Variants in MGAT4C observed in about 807,000 individuals in gnomAD.
MGAT4C encodes the protein alpha-1,3-mannosyl-glycoprotein 4-beta-N-acetylglucosaminyltransferase C.
A neutral mutation model predicts 40.1 loss-of-function variants in MGAT4C; 19 were observed. The observed-to-expected ratio is 0.47, with a 90% CI of 0.33 to 0.70. The LOEUF (loss-of-function observed/expected upper bound fraction) is 0.70, where lower values mean the gene tolerates loss of function less well. Ranked by LOEUF, MGAT4C falls within the 30% of genes least tolerant of loss-of-function variation. The probability of loss-of-function intolerance (pLI) is 0.02; values close to 1 mark genes in which losing one functional copy is unlikely to be tolerated. For missense variants in MGAT4C, 491 were observed against 563.2 expected, an observed-to-expected ratio of 0.87 and a Z score of 1.30; for synonymous variants, 181 against 187.1, an observed-to-expected ratio of 0.97 and a Z score of 0.27.
intron 2 of MGAT4C, among the ~76,000 whole-genome samples, chr12:86,003,222 T>C (rs1022487585): frequency 4.6e-5 from 7 of 152,342 alleles, no homozygotes; most frequent in African/African-American, 1.7e-4. Flanking sequence ...AATGGACGTA[T>C]ATTTGGCAAT....
At chr12:86,162,021 A>G (rs1459785936) in intron 1 of MGAT4C, among the ~76,000 whole-genome samples, 3 of 152,180 alleles carry the variant, frequency 2.0e-5, no homozygotes, top group African/African-American at 7.2e-5. Context: ...GCTGCAGAGT[A>G]AAGGGAATAC....
intron 3 of MGAT4C, among the ~76,000 whole-genome samples, chr12:86,386,782 A>T (rs866857182): frequency 7.2e-5 from 11 of 152,214 alleles, no homozygotes; most frequent in South Asian, 2.1e-4. Flanking sequence ...GTGGAATATT[A>T]CTGAAAGTTG....
intron 2 of MGAT4C, among the ~76,000 whole-genome samples, chr12:86,492,879 A>C (rs1246400553): frequency 1.3e-5 from 2 of 152,202 alleles, no homozygotes; most frequent in African/African-American, 2.4e-5. Context: ...AATGGGAGAA[A>C]ATTTTGCAAC....
chr12:86,059,665 T>C (rs1045837128), intron 1 of MGAT4C, among the ~76,000 whole-genome samples: 1 of 152,184 alleles, frequency 6.6e-6, no homozygotes, highest in Admixed American at 6.6e-5. Context: ...AGAGGCTACA[T>C]AGGTTGTAGT....
At chr12:86,392,524 T>C (rs929109150) in intron 3 of MGAT4C, among the ~76,000 whole-genome samples, 15 of 151,944 alleles carry the variant, frequency 9.9e-5, no homozygotes, top group African/African-American at 3.6e-4. Context: ...GTACTGTCAA[T>C]GAGTAATAAG....
At chr12:86,793,596 A>G (rs1016534804) in intron 1 of MGAT4C, among the ~76,000 whole-genome samples, 4 of 152,034 alleles carry the variant, frequency 2.6e-5, no homozygotes, top group Non-Finnish European at 4.4e-5. Context: ...ATATACTCTC[A>G]CGCTCATTTG....
At chr12:86,609,762 T>C (rs1439539120) in intron 2 of MGAT4C, among the ~76,000 whole-genome samples, 3 of 149,506 alleles carry the variant, frequency 2.0e-5, no homozygotes, top group African/African-American at 7.4e-5. Context: ...TGTACAGTTT[T>C]ACCTCCTATG....
intron 1 of MGAT4C, among the ~76,000 whole-genome samples, chr12:86,774,317 T>TTCTTTCTTTCTTTCTTTCTCTTTCTTTC (rs1555227761): frequency 1.5e-5 from 1 of 66,414 alleles, no homozygotes; most frequent in Non-Finnish European, 3.4e-5. Context: ...CTTTCTTTCT[T>TTCTTTCTTTCTTTCTTTCTCTTTCTTTC]TCTTTCTTTC....
chr12:86,400,259 C>T (rs1249143756), intron 3 of MGAT4C, among the ~76,000 whole-genome samples: 1 of 152,222 alleles, frequency 6.6e-6, no homozygotes, highest in East Asian at 1.9e-4. Flanking sequence ...GGGTATTATT[C>T]ACACTATTAC....
chr12:86,178,951 C>A (rs768687852), intron 1 of MGAT4C, among the ~76,000 whole-genome samples: 1 of 152,122 alleles, frequency 6.6e-6, no homozygotes, highest in Non-Finnish European at 1.5e-5. Context: ...TTAGATTCAA[C>A]CTATTTGCCT....
At chr12:86,835,687 T>C (rs1383497547) in intron 1 of MGAT4C, among the ~76,000 whole-genome samples, 1 of 152,042 alleles carries the variant, frequency 6.6e-6, no homozygotes, top group Non-Finnish European at 1.5e-5. Context: ...CCGTATAGAA[T>C]ATGCCAAGTG....
intron 1 of MGAT4C, among the ~76,000 whole-genome samples, chr12:86,083,311 T>C (rs1871186074): frequency 6.6e-6 from 1 of 152,098 alleles, no homozygotes; most frequent in Non-Finnish European, 1.5e-5. Flanking sequence ...GGACTCAACC[T>C]TCTCTCATTG....
intron 1 of MGAT4C, among the ~76,000 whole-genome samples, chr12:86,776,710 G>A (rs556398439): frequency 7.9e-5 from 12 of 151,834 alleles, no homozygotes; most frequent in African/African-American, 2.9e-4. Context: ...ATAATGTTTT[G>A]CAAAATTATT....
At chr12:86,617,216 A>G (rs1465240308) in intron 2 of MGAT4C, among the ~76,000 whole-genome samples, 1 of 152,186 alleles carries the variant, frequency 6.6e-6, no homozygotes, top group Non-Finnish European at 1.5e-5. Flanking sequence ...TTAGTTTTGT[A>G]ATAGTTTCAC....
intron 4 of MGAT4C, among the ~76,000 whole-genome samples, chr12:86,289,100 G>C (rs1953434195): frequency 6.6e-6 from 1 of 152,076 alleles, no homozygotes; most frequent in Non-Finnish European, 1.5e-5. Context: ...GTAAGGAAAG[G>C]ATCCAGTTTC....
chr12:86,071,144 G>T (rs777552570), intron 1 of MGAT4C, among the ~76,000 whole-genome samples: 2 of 152,016 alleles, frequency 1.3e-5, no homozygotes, highest in Non-Finnish European at 1.5e-5. Flanking sequence ...TATTAAATTC[G>T]CTGTGAAAAT....
Position 85,965,690 on chromosome 12 carries a change from A to G in MGAT4C, c.*13599T>C, listed in dbSNP as rs1182649595. On this transcript the variant is annotated 3_prime_UTR_variant, in exon 5 of 5. Transcript: ENST00000611864. ...AGAAGTAATTATGAACAAACTGTTC[A>G]TGAAGTGATCAATTGAATTTGAAAC... The G allele has an allele frequency of 2.0e-5, 3 of 151,938 alleles. No homozygotes were observed. Among genetic ancestry groups the G allele is most frequent in the Non-Finnish European group, 4.4e-5 (3 of 67,962 alleles). 9.4% of individuals were successfully genotyped at this position (151,938 alleles called of 1,614,324 possible).
intron 2 of MGAT4C, among the ~76,000 whole-genome samples, chr12:86,642,459 A>G (rs1963419611): frequency 6.6e-6 from 1 of 151,834 alleles, no homozygotes; most frequent in African/African-American, 2.4e-5. Context: ...AACATAATAG[A>G]ATACCCTGTG....
chr12:85,999,583 G>GTGTATATATA (rs1226916126), intron 2 of MGAT4C, among the ~76,000 whole-genome samples: 5 of 122,966 alleles, frequency 4.1e-5, no homozygotes, highest in Admixed American at 2.4e-4. Flanking sequence ...GTGTGTGTGT[G>GTGTATATATA]TATATATATA....
Sources: gnomAD v4.1 joint callset for allele counts (sites outside exome capture counted in the v4.1 genomes callset) on GRCh38, gnomAD v4.1.1 for gene constraint, MANE v1.5 for transcripts, NCBI Gene and HGNC (gene_info 2026-07-23, HGNC 2026-07-21) for gene names.